Variants in ATXN7L1 observed in about 807,000 individuals in gnomAD.
ATXN7L1 encodes ataxin 7 like 1.
A neutral mutation model predicts 70.8 loss-of-function variants in ATXN7L1; 15 were observed. That is an observed-to-expected ratio of 0.21 (90% CI 0.14 to 0.33). The LOEUF is 0.33. ATXN7L1 is among the 10% of genes least tolerant of loss of function. The pLI is 1.00. For synonymous variants in ATXN7L1, 440 were observed against 445.1 expected (o/e 0.99, Z 0.14); for missense variants, 975 against 1,097.1 (o/e 0.89, Z 1.57).
chr7:105,695,002 T>C (rs1791523348), intron 3 of ATXN7L1, among the ~76,000 whole-genome samples: 2 of 152,076 alleles, frequency 1.3e-5, no homozygotes, highest in Non-Finnish European at 2.9e-5. Context: ...AATACAAAAA[T>C]TAGTTGGGCG....
At chr7:105,623,382 G>A (rs770451693) in intron 8 of ATXN7L1, among the ~76,000 whole-genome samples, 1 of 152,158 alleles carries the variant, frequency 6.6e-6, no homozygotes, top group Non-Finnish European at 1.5e-5. Flanking sequence ...GTGCTCGTAC[G>A]CAAACAATAA....
intron 2 of ATXN7L1, among the ~76,000 whole-genome samples, chr7:105,854,905 C>T (rs1815481491): frequency 6.6e-6 from 1 of 151,866 alleles, no homozygotes; most frequent in Non-Finnish European, 1.5e-5. Flanking sequence ...CTACATTTCA[C>T]TTATTATCTA....
chr7:105,749,547 C>T (rs930707926), intron 3 of ATXN7L1, among the ~76,000 whole-genome samples: 18 of 151,246 alleles, frequency 1.2e-4, no homozygotes, highest in African/African-American at 4.4e-4. Flanking sequence ...TCACCTGAAC[C>T]CAGGAGGCAG....
intron 2 of ATXN7L1, among the ~76,000 whole-genome samples, chr7:105,817,572 C>T (rs1809375079): frequency 6.6e-6 from 1 of 152,090 alleles, no homozygotes; most frequent in South Asian, 2.1e-4. Flanking sequence ...TGTCTCTCTC[C>T]CATTCCCTAC....
chr7:105,791,523 A>T (rs1183490258), intron 2 of ATXN7L1, among the ~76,000 whole-genome samples: 1 of 152,178 alleles, frequency 6.6e-6, no homozygotes, highest in Non-Finnish European at 1.5e-5. Context: ...TTAACTGTTG[A>T]CACAGCTCTC....
chr7:105,609,041 A>G (rs1228678601), intron 11 of ATXN7L1, among the ~76,000 whole-genome samples: 6 of 152,138 alleles, frequency 3.9e-5, no homozygotes, highest in Non-Finnish European at 8.8e-5. Context: ...CTTATACATC[A>G]AGTTTATAAA....
intron 3 of ATXN7L1, among the ~76,000 whole-genome samples, chr7:105,699,026 G>A (rs996198581): frequency 7.9e-5 from 12 of 152,162 alleles, no homozygotes; most frequent in Admixed American, 5.2e-4. Context: ...TCAAGTTAGG[G>A]AGAAGGCAGA....
chr7:105,818,946 T>C (rs1333125497), intron 2 of ATXN7L1, among the ~76,000 whole-genome samples: 1 of 151,720 alleles, frequency 6.6e-6, no homozygotes, highest in Non-Finnish European at 1.5e-5. Context: ...ACAGGTTTGA[T>C]ATAGGTATAC....
chr7:105,732,667 G>T (rs1240222767), intron 3 of ATXN7L1, among the ~76,000 whole-genome samples: 1 of 152,134 alleles, frequency 6.6e-6, no homozygotes, highest in Non-Finnish European at 1.5e-5. Context: ...GGCAGGGGTG[G>T]GATCACCATC....
chr7:105,866,238 TAA>T (rs1817455733), intron 2 of ATXN7L1, among the ~76,000 whole-genome samples: 1 of 152,190 alleles, frequency 6.6e-6, no homozygotes, highest in Non-Finnish European at 1.5e-5. Flanking sequence ...GGTACACCGG[TAA>T]GTGCTTCTGT....
chr7:105,731,500 T>A (rs564005830), intron 3 of ATXN7L1, among the ~76,000 whole-genome samples: 1 of 149,726 alleles, frequency 6.7e-6, no homozygotes, highest in Non-Finnish European at 1.5e-5. Context: ...AATGGTGCGA[T>A]CTCAGCTCAC....
At chr7:105,664,869 T>C (rs1802380723) in intron 4 of ATXN7L1, among the ~76,000 whole-genome samples, 197 bp downstream of exon 4, 1 of 152,074 alleles carries the variant, frequency 6.6e-6, no homozygotes. Flanking sequence ...CATATGGTAC[T>C]CTTAAGGTCC....
chr7:105,839,947 G>A (rs1369470593), intron 2 of ATXN7L1, among the ~76,000 whole-genome samples: 1 of 152,246 alleles, frequency 6.6e-6, no homozygotes, highest in Non-Finnish European at 1.5e-5. Flanking sequence ...AATTCTGCAT[G>A]GGTCTGAGGT....
chr7:105,671,132 A>T (rs956720079), intron 3 of ATXN7L1, among the ~76,000 whole-genome samples: 1 of 128,082 alleles, frequency 7.8e-6, no homozygotes, highest in Non-Finnish European at 1.7e-5. Flanking sequence ...AAAAAAAAAA[A>T]ATTAGCCGGG....
At chr7:105,757,870 G>T (rs1268911821) in intron 3 of ATXN7L1, among the ~76,000 whole-genome samples, 1 of 151,800 alleles carries the variant, frequency 6.6e-6, no homozygotes, top group Non-Finnish European at 1.5e-5. Context: ...GATTACAGGT[G>T]TGAGCTACCA....
chr7:105,722,497 GT>G (rs1192916561), intron 3 of ATXN7L1, among the ~76,000 whole-genome samples: 1 of 146,652 alleles, frequency 6.8e-6, no homozygotes, highest in Non-Finnish European at 1.5e-5. Context: ...GGAGGCGGAG[GT>G]TGCAGTGAGC....
At chr7:105,768,557 C>T (rs1442151654) in intron 3 of ATXN7L1, among the ~76,000 whole-genome samples, 1 of 152,238 alleles carries the variant, frequency 6.6e-6, no homozygotes, top group Admixed American at 6.5e-5. Flanking sequence ...CAAAACCCAT[C>T]ACGAGTAGGT....
rs186913576 is a variant in ATXN7L1 at position 105,864,044 on chromosome 7, A to G, written c.250+11768T>C. Reference sequence around the variant, plus strand: ...GGGTGGTCCTGGCATATTTGCTTTTAAAAAGCTTCCCAAGGAATTTTCAAG... The same window carrying G: ...GGGTGGTCCTGGCATATTTGCTTTTGAAAAGCTTCCCAAGGAATTTTCAAG... On this transcript the variant is annotated intron_variant, in intron 2 of 11. Coordinates refer to ENST00000419735, the MANE Select transcript of ATXN7L1 (RefSeq NM_020725.2). 2.2e-4 allele frequency among the ~76,000 whole-genome samples: 34 copies of G among 152,300 alleles called. No individual in the cohort carries two copies. In the East Asian group the frequency reaches 6.6e-3, roughly 29 times the overall value.
At chr7:105,833,472 G>A (rs533834936) in intron 2 of ATXN7L1, among the ~76,000 whole-genome samples, 22 of 152,246 alleles carry the variant, frequency 1.4e-4, no homozygotes, top group African/African-American at 2.4e-4. Flanking sequence ...CATTTAGAAC[G>A]TAAAGAATAC....
Sources: gnomAD v4.1 joint callset for allele counts (sites outside exome capture counted in the v4.1 genomes callset) on GRCh38, gnomAD v4.1.1 for gene constraint, MANE v1.5 for transcripts, NCBI Gene and HGNC (gene_info 2026-07-23, HGNC 2026-07-21) for gene names.